Variants in CSMD2 observed in about 807,000 individuals in gnomAD.
CSMD2 encodes the protein CUB and sushi domain-containing protein 2.
CSMD2 carries 130 observed loss-of-function variants against 398.5 expected under a neutral mutation model. The observed-to-expected ratio is 0.33, with a 90% CI of 0.28 to 0.38. CSMD2 has a LOEUF of 0.38. Among genes scored for constraint, CSMD2 ranks in the 10% least tolerant of loss-of-function variants. The pLI, the probability that CSMD2 is intolerant of heterozygous loss-of-function variation, is 1.00. For synonymous variants in CSMD2, 1,828 were observed against 1,908.5 expected, an observed-to-expected ratio of 0.96 and a Z score of 1.10; for missense variants, 3,829 against 4,764.9, an observed-to-expected ratio of 0.80 and a Z score of 5.78.
chr1:33,820,427 C>T (rs1390004054), intron 8 of CSMD2, 42 bp downstream of exon 8: 3 of 1,395,922 alleles, frequency 2.1e-6, no homozygotes, highest in Non-Finnish European at 2.0e-6. Context: ...GCCAGGCCAC[C>T]CCACCCTTCT....
intron 29 of CSMD2, among the ~76,000 whole-genome samples, chr1:33,641,044 CT>C (rs770289709): frequency 6.6e-6 from 1 of 152,204 alleles, no homozygotes; most frequent in Non-Finnish European, 1.5e-5. Context: ...TGAAACGCCC[CT>C]GGCCCCCACT....
At chr1:33,795,106 G>A (rs1654798376) in intron 10 of CSMD2, among the ~76,000 whole-genome samples, 1 of 151,742 alleles carries the variant, frequency 6.6e-6, no homozygotes. Context: ...GAGGCGGGAT[G>A]TAAGCCTGTA....
Position 33,698,946 on chromosome 1 carries a change from TG to T in CSMD2, c.3734-3del. Reference sequence around the variant, plus strand: ...CCTCACATTTGATGAGTTCAAAGCCTGGTGAGGAGAGAAGAGGTAGAGTGAG... The same window carrying T: ...CCTCACATTTGATGAGTTCAAAGCCTGTGAGGAGAGAAGAGGTAGAGTGAG... On this transcript the variant is annotated splice_polypyrimidine_tract_variant and splice_region_variant and intron_variant, in intron 23 of 70. Transcript: ENST00000373381. The T allele has an allele frequency of 6.2e-7, 1 of 1,612,160 alleles. No homozygotes were observed.
intron 25 of CSMD2, among the ~76,000 whole-genome samples, chr1:33,667,787 T>C (rs376472223): frequency 6.6e-6 from 1 of 152,190 alleles, no homozygotes; most frequent in East Asian, 1.9e-4. Context: ...GCACGAACAA[T>C]ACAAGTTGGC....
chr1:33,883,558 C>T (rs1641380385), intron 5 of CSMD2, among the ~76,000 whole-genome samples: 1 of 151,956 alleles, frequency 6.6e-6, no homozygotes, highest in Admixed American at 6.6e-5. Flanking sequence ...TGTAGATTTC[C>T]GGATCAACTC....
At chr1:33,573,734 T>C (rs1659813536) in intron 49 of CSMD2, among the ~76,000 whole-genome samples, 1 of 151,812 alleles carries the variant, frequency 6.6e-6, no homozygotes, top group Non-Finnish European at 1.5e-5. Flanking sequence ...ACACAAAAAG[T>C]GGATGGGATG....
At chr1:34,023,859 G>T (rs1649270771) in intron 3 of CSMD2, among the ~76,000 whole-genome samples, 1 of 152,172 alleles carries the variant, frequency 6.6e-6, no homozygotes, top group Non-Finnish European at 1.5e-5. Flanking sequence ...GCTCAAACTT[G>T]ATCTCCAGAA....
At chr1:33,750,429 C>A (rs897761422) in intron 13 of CSMD2, among the ~76,000 whole-genome samples, 1 of 152,058 alleles carries the variant, frequency 6.6e-6, no homozygotes, top group African/African-American at 2.4e-5. Flanking sequence ...GACGCTGAGT[C>A]CAAATGTTAA....
intron 32 of CSMD2, among the ~76,000 whole-genome samples, chr1:33,632,817 AC>A (rs1642544351): frequency 1.3e-5 from 2 of 152,328 alleles, no homozygotes; most frequent in East Asian, 3.9e-4. Context: ...TAAGCACAAA[AC>A]ATTACAATCT....
intron 7 of CSMD2, among the ~76,000 whole-genome samples, chr1:33,821,465 C>G (rs1658142134): frequency 6.6e-6 from 1 of 152,184 alleles, no homozygotes; most frequent in African/African-American, 2.4e-5. Flanking sequence ...GAGTTCCACT[C>G]AAAGCCTCAC....
At chr1:34,033,439 C>T (rs1377199248) in intron 2 of CSMD2, among the ~76,000 whole-genome samples, 1 of 152,192 alleles carries the variant, frequency 6.6e-6, no homozygotes, top group African/African-American at 2.4e-5. Flanking sequence ...AAATAATATG[C>T]TTTTAGCACA....
In CSMD2 at chr1:34,164,063, G is replaced by GCGCCGC. The variant is rs1233484951; in HGVS notation, c.187+842_187+847dup. Among the ~76,000 whole-genome samples, 1 of 152,082 alleles carries GCGCCGC rather than the reference G, an allele frequency of 6.6e-6. No individual in the cohort carries two copies. Among genetic ancestry groups the GCGCCGC allele is most frequent in the Non-Finnish European group, 1.5e-5 (1 of 67,992 alleles). On this transcript the variant is annotated intron_variant, in intron 1 of 70. Coordinates refer to ENST00000373381, the MANE Select transcript of CSMD2 (RefSeq NM_001281956.2). The surrounding 1 kb of genome is among the most constrained non-coding windows in gnomAD (Gnocchi z 6.2). ...TCGTCGGGAGCTGGTCCCGCCGCCC[G>GCGCCGC]CGCCGCCGCTGCCGCTGCCGCAGCC...
intron 57 of CSMD2, among the ~76,000 whole-genome samples, chr1:33,544,263 C>T (rs910756170): frequency 2.8e-4 from 41 of 145,674 alleles, no homozygotes; most frequent in Non-Finnish European, 4.9e-4. Flanking sequence ...CCTGCTACCA[C>T]GACCGGCTAA....
At chr1:34,049,192 G>T (rs1036783700) in intron 2 of CSMD2, among the ~76,000 whole-genome samples, 1 of 152,180 alleles carries the variant, frequency 6.6e-6, no homozygotes, top group Non-Finnish European at 1.5e-5. Context: ...GATATTTGCA[G>T]TTAATAGCAA....
chr1:33,532,938 C>A (rs1362630446), intron 64 of CSMD2, 112 bp downstream of exon 64: 5 of 1,031,550 alleles, frequency 4.8e-6, no homozygotes, highest in Non-Finnish European at 6.9e-6. Context: ...GAAGCGGGAT[C>A]CAGCTCCTTG....
intron 10 of CSMD2, among the ~76,000 whole-genome samples, chr1:33,803,060 G>A (rs1655798844): frequency 6.6e-6 from 1 of 152,090 alleles, no homozygotes; most frequent in Non-Finnish European, 1.5e-5. Flanking sequence ...AAAGCCAATG[G>A]TCTCCTTCTA....
chr1:33,582,690 A>T (rs1464618829), intron 47 of CSMD2, among the ~76,000 whole-genome samples: 1 of 152,196 alleles, frequency 6.6e-6, no homozygotes, highest in Non-Finnish European at 1.5e-5. Flanking sequence ...GGTCCAAAGC[A>T]CTATCATAGC....
At position 33,519,520 on chromosome 1, in the gene CSMD2, A is replaced by C; in HGVS notation, c.10894T>G (p.Ter3632GluextTer25). The change falls in exon 70 of 71, where the codon TAG becomes GAG. Residue 3632 changes from the stop codon to glutamate (E), a stop_lost. Transcript: ENST00000373381. The surrounding 1 kb of genome is among the most constrained non-coding windows in gnomAD (Gnocchi z 5.6). Reference protein sequence around the residue: ...FTVSTVCTAV* With the variant: ...FTVSTVCTAVE Reference sequence around the variant, plus strand: ...GTGGTGGCGGCCAGGCCGGGTGGCTATACTGCTGTGCACACTGTGCTGACT... The same window carrying C: ...GTGGTGGCGGCCAGGCCGGGTGGCTCTACTGCTGTGCACACTGTGCTGACT... 6.2e-7 allele frequency: 1 copy of C among 1,613,068 alleles called. No individual in the cohort carries two copies. The highest frequency in any genetic ancestry group is 8.5e-7 in the Non-Finnish European group (1 of 1,179,832).
intron 4 of CSMD2, among the ~76,000 whole-genome samples, chr1:33,934,311 G>A (rs1381242800): frequency 6.6e-6 from 1 of 152,190 alleles, no homozygotes; most frequent in Non-Finnish European, 1.5e-5. Flanking sequence ...GTGGTCAATA[G>A]TGCAAAGGTT....
Sources: allele counts gnomAD v4.1 joint callset (sites outside exome capture counted in the v4.1 genomes callset), GRCh38; gene constraint gnomAD v4.1.1; non-coding constraint Gnocchi (gnomAD v3.1); transcripts MANE v1.5; gene names NCBI Gene and HGNC (gene_info 2026-07-23, HGNC 2026-07-21).